Variants in SORBS3 observed in about 807,000 individuals in gnomAD.
The protein encoded by SORBS3 is vinexin.
In SORBS3, 69 loss-of-function variants were observed where a neutral mutation model predicts 98.0. The observed-to-expected ratio is 0.70, with a 90% confidence interval of 0.58 to 0.86. SORBS3 has a LOEUF of 0.86. Among genes scored for constraint, SORBS3 ranks in the 40% least tolerant of loss-of-function variants. The pLI is 0.00. For synonymous variants in SORBS3, 394 were observed against 355.4 expected (o/e 1.11, Z -1.22); for missense variants, 954 against 908.5 (o/e 1.05, Z -0.64).
intron 1 of SORBS3, among the ~76,000 whole-genome samples, chr8:22,546,616 A>G (rs1840018568): frequency 6.6e-6 from 1 of 152,256 alleles, no homozygotes. Flanking sequence ...GAAAAGGAAG[A>G]AAGACATCCC....
At chr8:22,555,171 C>T (rs549595796) in intron 3 of SORBS3, among the ~76,000 whole-genome samples, 191 bp downstream of exon 3, 1 of 152,338 alleles carries the variant, frequency 6.6e-6, no homozygotes, top group Non-Finnish European at 1.5e-5. Context: ...AAGAGACACC[C>T]GCTTGGGGAG....
intron 1 of SORBS3, among the ~76,000 whole-genome samples, chr8:22,552,803 AC>A (rs2117205554): frequency 6.6e-6 from 1 of 152,118 alleles, no homozygotes; most frequent in African/African-American, 2.4e-5. Context: ...CTTCCACCCC[AC>A]CCTGCCTCAA....
upstream of SORBS3, chr8:22,551,671 T>TCGGCAGGGGGC (rs1554547392): frequency 1.4e-4 from 133 of 948,090 alleles, no homozygotes; most frequent in Non-Finnish European, 1.6e-4. The surrounding 1 kb of genome is among the most constrained non-coding windows in gnomAD (Gnocchi z 5.8). Context: ...CCAGGCCTCC[T>TCGGCAGGGGGC]CGGCAGGGGG....
chr8:22,574,620 G>T, intron 20 of SORBS3, 47 bp from the exon 21 acceptor site: 1 of 1,594,918 alleles, frequency 6.3e-7, no homozygotes. Flanking sequence ...CTGCATCCCT[G>T]TTAAAGAAGG....
intron 5 of SORBS3, among the ~76,000 whole-genome samples, chr8:22,559,700 C>G (rs1293415520): frequency 7.0e-6 from 1 of 142,662 alleles, no homozygotes. Flanking sequence ...AAGACGCTGT[C>G]TCTAAAAAAA....
At chr8:22,551,319 C>T (rs1840076868), upstream of SORBS3, among the ~76,000 whole-genome samples, 1 of 151,846 alleles carries the variant, frequency 6.6e-6, no homozygotes, top group African/African-American at 2.4e-5. This position sits in a 1 kb window ranked among gnomAD's most constrained non-coding sequence, Gnocchi z 5.8. Context: ...CGCGGAGGGG[C>T]GGCGGGGCCT....
intron 1 of SORBS3, among the ~76,000 whole-genome samples, chr8:22,553,030 C>A (rs1462857174): frequency 6.6e-6 from 1 of 152,164 alleles, no homozygotes; most frequent in African/African-American, 2.4e-5. Flanking sequence ...AGGAGCTGCC[C>A]CCAGCCTTGG....
At chr8:22,565,794 G>C (rs1222526710) in intron 11 of SORBS3, 32 bp from the exon 12 acceptor site, 30 of 1,317,836 alleles carry the variant, frequency 2.3e-5, no homozygotes, top group African/African-American at 4.6e-5. Flanking sequence ...TCCCGGGGTC[G>C]CGGGCCCTGA....
At chr8:22,555,968 T>C (rs1476971577) in intron 3 of SORBS3, among the ~76,000 whole-genome samples, 5 of 152,242 alleles carry the variant, frequency 3.3e-5, no homozygotes, top group African/African-American at 1.2e-4. Flanking sequence ...AACCCCTCGA[T>C]ATCCTGACAA....
intron 16 of SORBS3, among the ~76,000 whole-genome samples, chr8:22,568,907 C>A (rs1362134705): frequency 1.3e-5 from 2 of 152,228 alleles, no homozygotes; most frequent in Non-Finnish European, 2.9e-5. Flanking sequence ...TTCAGTAATG[C>A]CCACTCCATA....
intron 1 of SORBS3, among the ~76,000 whole-genome samples, 175 bp downstream of exon 1, chr8:22,552,197 C>G (rs1205749877): frequency 6.6e-6 from 1 of 152,244 alleles, no homozygotes; most frequent in Non-Finnish European, 1.5e-5. Flanking sequence ...CTGTCCTTGT[C>G]CACGTGGCCT....
At position 22,563,547 on chromosome 8, in the gene SORBS3, A is replaced by G. The variant is rs930024705; in HGVS notation, c.585-440A>G. ...CTCAGCCACAGCACCCAGAAAGACCAGCTTCTTCAAAGCTGCACAGACGCA... is the reference window on the plus strand; with the variant it reads ...CTCAGCCACAGCACCCAGAAAGACCGGCTTCTTCAAAGCTGCACAGACGCA... On this transcript the variant is annotated intron_variant, in intron 7 of 20. Transcript: ENST00000240123. 2.0e-5 allele frequency among the ~76,000 whole-genome samples: 3 copies of G among 152,322 alleles called. No homozygotes were observed. In the Middle Eastern group the frequency reaches 0.01, roughly 518 times the overall value.
At position 22,554,644 on chromosome 8, in the gene SORBS3, G is replaced by A; in HGVS notation, c.102+36G>A. 1 of 1,581,332 alleles carries A rather than the reference G, an allele frequency of 6.3e-7. No homozygotes were observed. Among genetic ancestry groups the A allele is most frequent in the African/African-American group, 1.3e-5 (1 of 74,386 alleles). ...CAGTAGGGAGGAGGGTGTCCTGCGG[G>A]CCCGGAGTTGGTTGGGACGCTAGCA... On this transcript the variant is annotated intron_variant, in intron 2 of 20. Coordinates refer to ENST00000240123, the MANE Select transcript of SORBS3 (RefSeq NM_005775.5). The surrounding 1 kb of genome is among the most constrained non-coding windows in gnomAD (Gnocchi z 6.5).
chr8:22,572,367 C>G lies in SORBS3; in HGVS notation c.1875C>G (p.Pro625=). 6.2e-7 allele frequency: 1 copy of G among 1,614,074 alleles called. No individual in the cohort carries two copies. Among genetic ancestry groups the G allele is most frequent in the East Asian group, 2.2e-5 (1 of 44,888 alleles). ...ACCGGGCGATGTACCAGTACAGGCC[C>G]CAGAACGAAGACGAGCTGGAGCTGC... The part of the protein sequence containing the change: ...TPYRAMYQYR[P]QNEDELELRE... The change falls in exon 20 of 21, where the codon CCC becomes CCG. Residue 625 remains proline, a synonymous_variant. Transcript: ENST00000240123.
intron 20 of SORBS3, among the ~76,000 whole-genome samples, chr8:22,574,169 G>A (rs1481709791): frequency 6.6e-6 from 1 of 152,042 alleles, no homozygotes; most frequent in Non-Finnish European, 1.5e-5. Flanking sequence ...GCCCGCTGGG[G>A]TTCCCCCCCC....
At chr8:22,558,851 C>A (rs1190594162) in intron 5 of SORBS3, among the ~76,000 whole-genome samples, 1 of 152,166 alleles carries the variant, frequency 6.6e-6, no homozygotes, top group Non-Finnish European at 1.5e-5. Flanking sequence ...GTGAAGGAGT[C>A]GGCCTGGCAG....
At chr8:22,564,681 C>A in intron 10 of SORBS3, 160 bp downstream of exon 10, 1 of 1,375,352 alleles carries the variant, frequency 7.3e-7, no homozygotes, top group Non-Finnish European at 9.7e-7. Context: ...CAGTGGCTGG[C>A]ATACAGGAGG....
chr8:22,561,610 G>A, intron 6 of SORBS3: 1 of 612,484 alleles, frequency 1.6e-6, no homozygotes, highest in Non-Finnish European at 2.9e-6. Context: ...GATTTCTCTG[G>A]GCCTCCCTTT....
Position 22,554,398 on chromosome 8 carries a change from G to A in SORBS3, c.-55-54G>A, listed in dbSNP as rs766486671. ...CCCTATCCCAGGGTCGAGCCAAGAG[G>A]GCATGGGCAGCCTAGCCTAGCAGGG... On this transcript the variant is annotated intron_variant, in intron 1 of 20. Coordinates refer to ENST00000240123, the MANE Select transcript of SORBS3 (RefSeq NM_005775.5). The surrounding 1 kb of genome is among the most constrained non-coding windows in gnomAD (Gnocchi z 6.5). The A allele has an allele frequency of 1.5e-4, 222 of 1,499,576 alleles. No homozygotes were observed. Among genetic ancestry groups the A allele is most frequent in the Non-Finnish European group, 1.9e-4 (213 of 1,130,558 alleles). The allele number at this position is 1,499,576 out of a possible 1,614,324, so 92.9% of individuals were successfully genotyped here.
Sources: allele counts gnomAD v4.1 joint callset (sites outside exome capture counted in the v4.1 genomes callset), GRCh38; gene constraint gnomAD v4.1.1; non-coding constraint Gnocchi (gnomAD v3.1); transcripts MANE v1.5; gene names NCBI Gene and HGNC (gene_info 2026-07-23, HGNC 2026-07-21).